The following KYAT3 variants were observed in gnomAD, a reference collection of about 807,000 sequenced individuals.
KYAT3 encodes the protein kynurenine--oxoglutarate transaminase 3.
In KYAT3, 50 loss-of-function variants were observed where a neutral mutation model predicts 59.0. The observed-to-expected ratio is 0.85, with a 90% confidence interval of 0.68 to 1.07. The LOEUF is 1.07. Ranked by LOEUF, KYAT3 falls within the 50% of genes least tolerant of loss-of-function variation. The pLI is 0.00. For missense variants in KYAT3, 497 were observed against 533.3 expected, an observed-to-expected ratio of 0.93 and a Z score of 0.67; for synonymous variants, 148 against 177.0, an observed-to-expected ratio of 0.84 and a Z score of 1.30.
At chr1:88,944,167 T>C (rs997515235) in intron 11 of KYAT3, among the ~76,000 whole-genome samples, 2 of 152,358 alleles carry the variant, frequency 1.3e-5, no homozygotes, top group African/African-American at 4.8e-5. Context: ...GTTTCAACTT[T>C]ATTGACTTGT....
chr1:88,990,976 C>G (rs10922533), intron 1 of KYAT3, among the ~76,000 whole-genome samples: 35,846 of 152,130 alleles, frequency 0.24, 4,997 homozygotes, highest in Non-Finnish European at 0.31. Context: ...TTTCTAGTTT[C>G]TCCCTAAAAA....
intron 13 of KYAT3, among the ~76,000 whole-genome samples, chr1:88,941,375 CCAA>C (rs1675229190): frequency 6.6e-6 from 1 of 152,066 alleles, no homozygotes; most frequent in Non-Finnish European, 1.5e-5. Context: ...ATTTTCAGTA[CCAA>C]CAACATTTTG....
chr1:88,975,439 CAG>C (rs1676744646), intron 2 of KYAT3, among the ~76,000 whole-genome samples: 1 of 152,234 alleles, frequency 6.6e-6, no homozygotes, highest in South Asian at 2.1e-4. Context: ...GCATGAGCCA[CAG>C]CGCCCAGCCC....
intron 8 of KYAT3, among the ~76,000 whole-genome samples, chr1:88,955,811 C>T (rs1220304663): frequency 1.3e-5 from 2 of 151,912 alleles, no homozygotes; most frequent in South Asian, 2.1e-4. Flanking sequence ...GAGTGGGACC[C>T]AGTAATCATG....
chr1:88,968,005 C>T (rs1300122695), intron 4 of KYAT3, among the ~76,000 whole-genome samples: 1 of 152,144 alleles, frequency 6.6e-6, no homozygotes, highest in Non-Finnish European at 1.5e-5. Context: ...GTGTCAAACC[C>T]TGTGACACAG....
At chr1:88,941,115 T>C (rs953485160) in intron 13 of KYAT3, among the ~76,000 whole-genome samples, 2 of 152,240 alleles carry the variant, frequency 1.3e-5, no homozygotes, top group Non-Finnish European at 2.9e-5. Flanking sequence ...TTCTGTTAGT[T>C]TTGTTTACAA....
chr1:88,969,598 A>T (rs2101056490), intron 2 of KYAT3, 131 bp from the exon 3 acceptor site: 1 of 590,644 alleles, frequency 1.7e-6, no homozygotes, highest in Non-Finnish European at 3.0e-6. Flanking sequence ...TAAATCTTAG[A>T]CTCCAACACA....
intron 8 of KYAT3, among the ~76,000 whole-genome samples, chr1:88,960,168 C>G (rs1456272465): frequency 6.6e-6 from 1 of 151,704 alleles, no homozygotes; most frequent in Non-Finnish European, 1.5e-5. Flanking sequence ...CTCCTGGACT[C>G]TAGCAATCCA....
downstream of KYAT3, among the ~76,000 whole-genome samples, chr1:88,935,459 G>T (rs372831706): frequency 2.6e-5 from 4 of 152,090 alleles, no homozygotes; most frequent in African/African-American, 9.7e-5. Context: ...TGATGAATTT[G>T]TGATCTCAAA....
chr1:88,982,915 A>G (rs750973601), intron 2 of KYAT3: 9 of 1,614,002 alleles, frequency 5.6e-6, no homozygotes, highest in South Asian at 2.2e-5. Flanking sequence ...TGCTTCCACC[A>G]TAAGATGGCG....
chr1:88,931,701 A>C (rs1299392209), downstream of KYAT3, among the ~76,000 whole-genome samples: 1 of 151,978 alleles, frequency 6.6e-6, no homozygotes, highest in Non-Finnish European at 1.5e-5. Flanking sequence ...CAGAGAGCTC[A>C]GTAAAATGCT....
At chr1:88,955,915 A>G (rs1675896365) in intron 8 of KYAT3, among the ~76,000 whole-genome samples, 1 of 152,162 alleles carries the variant, frequency 6.6e-6, no homozygotes, top group Admixed American at 6.5e-5. Flanking sequence ...AATCCCATAA[A>G]TTCACCAATT....
At chr1:88,960,526 A>T (rs1676098901) in intron 8 of KYAT3, among the ~76,000 whole-genome samples, 1 of 152,212 alleles carries the variant, frequency 6.6e-6, no homozygotes, top group African/African-American at 2.4e-5. Flanking sequence ...TTTCAATGTG[A>T]TGGTCATGAA....
At chr1:88,983,839 C>T (rs775772912) in intron 2 of KYAT3, 14 of 1,399,104 alleles carry the variant, frequency 1.0e-5, no homozygotes, top group South Asian at 5.9e-5. Context: ...TTTTTTTTGC[C>T]GGTGAGTCGG....
intron 11 of KYAT3, among the ~76,000 whole-genome samples, chr1:88,945,495 C>T (rs1010055097): frequency 1.3e-5 from 2 of 152,174 alleles, no homozygotes; most frequent in Non-Finnish European, 2.9e-5. Context: ...AGTTGATTAA[C>T]TTCAGTAAAT....
chr1:88,977,968 CTATA>C (rs1437601262), intron 2 of KYAT3, among the ~76,000 whole-genome samples: 1 of 152,126 alleles, frequency 6.6e-6, no homozygotes, highest in Non-Finnish European at 1.5e-5. Flanking sequence ...GTGTAGCAGG[CTATA>C]TACCATCTAG....
intron 8 of KYAT3, among the ~76,000 whole-genome samples, chr1:88,956,059 A>G (rs1205712140): frequency 6.6e-6 from 1 of 152,150 alleles, no homozygotes; most frequent in Non-Finnish European, 1.5e-5. Context: ...TAATATCCTC[A>G]TGGCCATTGT....
At chr1:88,945,927 G>C (rs1225162383) in intron 11 of KYAT3, among the ~76,000 whole-genome samples, 1 of 152,186 alleles carries the variant, frequency 6.6e-6, no homozygotes, top group African/African-American at 2.4e-5. Flanking sequence ...TATCAGAAAA[G>C]CTTTCCTAAC....
intron 13 of KYAT3, among the ~76,000 whole-genome samples, chr1:88,941,047 G>A (rs1304583602): frequency 6.6e-6 from 1 of 152,212 alleles, no homozygotes; most frequent in Non-Finnish European, 1.5e-5. Context: ...TCTAAAAAGA[G>A]ATTAGGGGAG....
Sources: gnomAD v4.1 joint callset for allele counts (sites outside exome capture counted in the v4.1 genomes callset) on GRCh38, gnomAD v4.1.1 for gene constraint, MANE v1.5 for transcripts, NCBI Gene and HGNC (gene_info 2026-07-23, HGNC 2026-07-21) for gene names.